The following ROBO1 variants were observed in gnomAD, a reference collection of about 807,000 sequenced individuals.
ROBO1 encodes the protein roundabout homolog 1.
Under a neutral mutation model 195.9 loss-of-function variants are expected in ROBO1, and 149 were observed. The observed-to-expected ratio is 0.76, with a 90% CI of 0.67 to 0.87. The LOEUF (loss-of-function observed/expected upper bound fraction) is 0.87, where lower values mean the gene tolerates loss of function less well. ROBO1 is among the 40% of genes least tolerant of loss of function. The probability of loss-of-function intolerance (pLI) is 0.00; values close to 1 mark genes in which losing one functional copy is unlikely to be tolerated. For missense variants in ROBO1, 1,933 were observed against 2,068.3 expected, an observed-to-expected ratio of 0.93 and a Z score of 1.27; for synonymous variants, 816 against 733.2, an observed-to-expected ratio of 1.11 and a Z score of -1.82.
chr3:79,310,315 T>C (rs2033422454), intron 2 of ROBO1, among the ~76,000 whole-genome samples: 1 of 152,210 alleles, frequency 6.6e-6, no homozygotes, highest in South Asian at 2.1e-4. Context: ...TTATTTATCA[T>C]GCTGCAAGAA....
chr3:78,799,381 G>C (rs1035967963), intron 4 of ROBO1, among the ~76,000 whole-genome samples: 1 of 150,996 alleles, frequency 6.6e-6, no homozygotes, highest in East Asian at 1.9e-4. Flanking sequence ...TCGCTCTGTC[G>C]CCCAGGCTGG....
chr3:78,936,896 A>G (rs1190898021), intron 4 of ROBO1, among the ~76,000 whole-genome samples: 1 of 152,128 alleles, frequency 6.6e-6, no homozygotes, highest in East Asian at 1.9e-4. Context: ...TTATGATGAC[A>G]GCTGTCATTC....
intron 2 of ROBO1, among the ~76,000 whole-genome samples, chr3:79,559,234 A>G (rs1225978934): frequency 2.0e-5 from 3 of 152,222 alleles, no homozygotes; most frequent in Non-Finnish European, 2.9e-5. Context: ...TATGCTGCAC[A>G]GTAGAGCTCT....
chr3:78,633,125 C>A (rs1338061149), intron 24 of ROBO1, among the ~76,000 whole-genome samples: 1 of 152,124 alleles, frequency 6.6e-6, no homozygotes, highest in Non-Finnish European at 1.5e-5. Flanking sequence ...GGCTAAAAGC[C>A]CCTAAGAACA....
intron 3 of ROBO1, among the ~76,000 whole-genome samples, chr3:78,987,953 T>C (rs2077150988): frequency 6.6e-6 from 1 of 152,108 alleles, no homozygotes; most frequent in South Asian, 2.1e-4. Flanking sequence ...ATTAGAACTG[T>C]ACCCAAATAT....
At chr3:79,462,259 G>T (rs1317352816) in intron 2 of ROBO1, among the ~76,000 whole-genome samples, 1 of 152,142 alleles carries the variant, frequency 6.6e-6, no homozygotes, top group Non-Finnish European at 1.5e-5. Context: ...GGCAAGCCCA[G>T]ATGCAACGGG....
At chr3:78,965,846 A>G (rs943655050) in intron 3 of ROBO1, among the ~76,000 whole-genome samples, 10 of 152,236 alleles carry the variant, frequency 6.6e-5, no homozygotes, top group African/African-American at 2.4e-4. Flanking sequence ...AATGATGATG[A>G]AAATGTCCTA....
intron 26 of ROBO1, among the ~76,000 whole-genome samples, chr3:78,624,680 C>A (rs1180106961): frequency 6.6e-6 from 1 of 151,994 alleles, no homozygotes; most frequent in Non-Finnish European, 1.5e-5. Context: ...ATGAGTTCTG[C>A]CTTCAAAGAA....
chr3:79,472,032 T>C (rs2107324097), intron 2 of ROBO1, among the ~76,000 whole-genome samples: 1 of 152,124 alleles, frequency 6.6e-6, no homozygotes, highest in African/African-American at 2.4e-5. Flanking sequence ...CGTGTATACC[T>C]ATGTAACAAA....
chr3:79,546,726 G>A (rs986825544), intron 2 of ROBO1, among the ~76,000 whole-genome samples: 13 of 152,184 alleles, frequency 8.5e-5, no homozygotes, highest in African/African-American at 2.6e-4. Context: ...TTTAACAATG[G>A]CCTCCAGTAC....
chr3:79,341,828 C>T (rs1358701445), intron 2 of ROBO1, among the ~76,000 whole-genome samples: 2 of 152,080 alleles, frequency 1.3e-5, no homozygotes, highest in South Asian at 2.1e-4. Flanking sequence ...AATAACATGC[C>T]GTTCCTACTT....
Position 78,627,378 on chromosome 3 carries a change from G to A in ROBO1, c.3818C>T (p.Pro1273Leu). ...LTPSPQEELQPMLQDCPEETG... is the reference protein window; with the variant it reads ...LTPSPQEELQLMLQDCPEETG... ...CTCCTCTGGACAATCCTGTAACATG[G>A]GCTGGAGTTCTTCCTGTGGGGAGGG... is the stretch of plus-strand genomic sequence containing the variant. The change falls in exon 26 of 31, where the codon CCC (proline) becomes CTC (leucine). Residue 1273 changes from proline to leucine, a missense_variant. Physicochemically the swap from Pro to Leu is moderately conservative, Grantham distance 98 (BLOSUM62 -3). This residue lies in a region of ROBO1 where 1,737 missense variants were observed against 1,882.5 expected (regional missense o/e 0.92). Coordinates refer to ENST00000464233, the MANE Select transcript of ROBO1 (RefSeq NM_002941.4). 6.2e-7 allele frequency: 1 copy of A among 1,612,548 alleles called. No homozygotes were observed. Among genetic ancestry groups the A allele is most frequent in the African/African-American group, 1.3e-5 (1 of 75,024 alleles).
chr3:78,991,431 T>C (rs564389382), intron 3 of ROBO1, among the ~76,000 whole-genome samples: 3 of 152,190 alleles, frequency 2.0e-5, no homozygotes, highest in Non-Finnish European at 2.9e-5. Flanking sequence ...CACAGATTAA[T>C]TGAAGGTCTG....
At chr3:79,637,629 G>T (rs1945534734) in intron 1 of ROBO1, among the ~76,000 whole-genome samples, 1 of 152,088 alleles carries the variant, frequency 6.6e-6, no homozygotes, top group African/African-American at 2.4e-5. Flanking sequence ...CTTATCTTCA[G>T]ATGATACGTT....
chr3:78,718,958 C>G (rs1384965325), intron 5 of ROBO1, among the ~76,000 whole-genome samples: 1 of 152,144 alleles, frequency 6.6e-6, no homozygotes, highest in Non-Finnish European at 1.5e-5. Flanking sequence ...TTCATTGAAA[C>G]TACCACTTTG....
intron 2 of ROBO1, among the ~76,000 whole-genome samples, chr3:79,409,987 C>T (rs2037701623): frequency 6.6e-6 from 1 of 152,010 alleles, no homozygotes; most frequent in Admixed American, 6.6e-5. Flanking sequence ...AATATGGCCC[C>T]TAAGCTTACT....
intron 2 of ROBO1, among the ~76,000 whole-genome samples, chr3:79,508,885 G>A (rs1232686839): frequency 2.6e-5 from 4 of 152,068 alleles, no homozygotes; most frequent in African/African-American, 9.7e-5. Flanking sequence ...TAATTGTTTA[G>A]TTTACTTTTC....
chr3:79,751,552 T>C (rs1704131326), intron 1 of ROBO1, among the ~76,000 whole-genome samples: 1 of 152,152 alleles, frequency 6.6e-6, no homozygotes. Context: ...AAAGCAAATA[T>C]ATATCTACAG....
At chr3:79,143,093 T>C (rs1439316217) in intron 2 of ROBO1, among the ~76,000 whole-genome samples, 1 of 152,092 alleles carries the variant, frequency 6.6e-6, no homozygotes, top group Non-Finnish European at 1.5e-5. Flanking sequence ...GCACTAGTAG[T>C]AATTGGTATA....
Sources: allele counts gnomAD v4.1 joint callset (sites outside exome capture counted in the v4.1 genomes callset), GRCh38; gene constraint gnomAD v4.1.1; regional missense constraint gnomAD v4.1.1; transcripts MANE v1.5; gene names NCBI Gene and HGNC (gene_info 2026-07-23, HGNC 2026-07-21).